Variants in MMD2 observed in about 807,000 individuals in gnomAD.
The protein encoded by MMD2 is monocyte to macrophage differentiation factor 2.
MMD2 carries 30 observed loss-of-function variants against 33.5 expected under a neutral mutation model. The observed-to-expected ratio is 0.90, with a 90% CI of 0.67 to 1.22. The LOEUF (loss-of-function observed/expected upper bound fraction) is 1.22, where lower values mean the gene tolerates loss of function less well. MMD2 is among the 50% of genes most tolerant of loss of function. MMD2 has a pLI of 0.00. For synonymous variants in MMD2, 129 were observed against 123.0 expected, an observed-to-expected ratio of 1.05 and a Z score of -0.32; for missense variants, 364 against 325.4, an observed-to-expected ratio of 1.12 and a Z score of -0.91.
intron 4 of MMD2, among the ~76,000 whole-genome samples, chr7:4,913,719 G>A (rs1370653453): frequency 1.2e-5 from 1 of 83,910 alleles, no homozygotes; most frequent in Non-Finnish European, 2.1e-5. Flanking sequence ...ACTCTATCTC[G>A]GCAAAAAAAA....
At chr7:4,949,711 C>T (rs1344850464) in intron 1 of MMD2, among the ~76,000 whole-genome samples, 8 of 151,970 alleles carry the variant, frequency 5.3e-5, no homozygotes, top group Non-Finnish European at 1.0e-4. Flanking sequence ...GGGGTTTCAC[C>T]ATATTGGCCA....
chr7:4,910,694 T>G (rs1445600994), intron 5 of MMD2, among the ~76,000 whole-genome samples: 1 of 152,052 alleles, frequency 6.6e-6, no homozygotes, highest in Non-Finnish European at 1.5e-5. Context: ...AGTGGCACGC[T>G]CTCAGCTTGC....
At position 4,906,435 on chromosome 7, in the gene MMD2, AATGTTGGC is replaced by A. The variant is rs1198774901; in HGVS notation, c.*953_*960del. On this transcript the variant is annotated 3_prime_UTR_variant, in exon 7 of 7. Transcript: ENST00000401401. ...CTGATTGGCACCAAGAGAGAATCCA[AATGTTGGC>A]ATCACAAACCTTAAGTATGGAGCAG... 1 of 398,500 alleles carries A rather than the reference AATGTTGGC, an allele frequency of 2.5e-6. No individual in the cohort carries two copies. Among genetic ancestry groups the A allele is most frequent in the Admixed American group, 4.4e-5 (1 of 22,710 alleles). The allele number at this position is 398,500 out of a possible 1,614,324, so 24.7% of individuals were successfully genotyped here.
At position 4,906,448 on chromosome 7, in the gene MMD2, C is replaced by A. The variant is rs182497986; in HGVS notation, c.*948G>T. The A allele has an allele frequency of 1.3e-5, 5 of 398,652 alleles. No homozygotes were observed. The highest frequency in any genetic ancestry group is 2.1e-5 in the African/African-American group (1 of 48,762). 24.7% of individuals were successfully genotyped at this position (398,652 alleles called of 1,614,324 possible). On this transcript the variant is annotated 3_prime_UTR_variant, in exon 7 of 7. Coordinates refer to ENST00000401401, the MANE Select transcript of MMD2 (RefSeq NM_198403.4). ...AGAGAGAATCCAAATGTTGGCATCA[C>A]AAACCTTAAGTATGGAGCAGGGAGC...
At chr7:4,903,086 A>G (rs1033623455), downstream of MMD2, among the ~76,000 whole-genome samples, 1 of 152,142 alleles carries the variant, frequency 6.6e-6, no homozygotes, top group African/African-American at 2.4e-5. Context: ...AAAAATACAC[A>G]AATTAGCTGG....
intron 1 of MMD2, among the ~76,000 whole-genome samples, chr7:4,939,608 T>C (rs1785845485): frequency 6.6e-6 from 1 of 152,084 alleles, no homozygotes; most frequent in Non-Finnish European, 1.5e-5. Context: ...ATAGAAATAT[T>C]CACACAATGG....
intron 1 of MMD2, among the ~76,000 whole-genome samples, chr7:4,936,144 C>T (rs1216619969): frequency 1.4e-5 from 2 of 147,332 alleles, no homozygotes; most frequent in African/African-American, 5.0e-5. Flanking sequence ...GAGATCGTGC[C>T]ACTGCACTCC....
chr7:4,956,249 C>T (rs1408819924), intron 1 of MMD2, among the ~76,000 whole-genome samples: 1 of 151,576 alleles, frequency 6.6e-6, no homozygotes, highest in African/African-American at 2.4e-5. Flanking sequence ...ATAGTGAGAC[C>T]CCATCTTTAC....
Position 4,907,454 on chromosome 7 carries a change from T to C in MMD2, c.683A>G (p.Tyr228Cys), listed in dbSNP as rs139010213. ...FVAFGAGTHY[Y>C]AIWRYLYLPS... The stretch of plus-strand genomic sequence containing the variant: ...CAGATAGAGGTACCTCCAGATGGCA[T>C]AGTAGTGGGTACCAGCACCAAATGC... Residue 228 changes from tyrosine to cysteine, a missense_variant, in exon 7 of 7, where the codon TAT (tyrosine) becomes TGT (cysteine). By Grantham distance (194) the Tyr-to-Cys change is radical. Transcript: ENST00000401401. The C allele has an allele frequency of 2.7e-5, 43 of 1,613,876 alleles. No individual in the cohort carries two copies. Among genetic ancestry groups the C allele is most frequent in the Non-Finnish European group, 3.3e-5 (39 of 1,179,920 alleles).
At chr7:4,898,814 G>C in the MMD2 span, among the ~76,000 whole-genome samples, 6 of 152,258 alleles carry the variant, frequency 3.9e-5, no homozygotes, top group African/African-American at 1.4e-4. Flanking sequence ...CAGGATAATT[G>C]CTTGAACCTA....
intron 1 of MMD2, among the ~76,000 whole-genome samples, chr7:4,949,723 G>C (rs978480819): frequency 2.6e-5 from 4 of 151,980 alleles, no homozygotes; most frequent in South Asian, 2.1e-4. Context: ...TATTGGCCAG[G>C]ATGGTCTCGA....
chr7:4,945,244 C>CTTCTTCT (rs1446491060), intron 1 of MMD2, among the ~76,000 whole-genome samples: 4 of 15,882 alleles, frequency 2.5e-4, no homozygotes, highest in African/African-American at 3.9e-4. Flanking sequence ...TTCTTCCTCT[C>CTTCTTCT]TCTCTTTCTT....
At chr7:4,929,633 T>A (rs2115119452) in intron 1 of MMD2, among the ~76,000 whole-genome samples, 1 of 152,134 alleles carries the variant, frequency 6.6e-6, no homozygotes, top group East Asian at 1.9e-4. Flanking sequence ...CAAGTGATTA[T>A]CCTGCCTCAG....
chr7:4,928,729 T>C (rs1230865805), intron 1 of MMD2, among the ~76,000 whole-genome samples: 2 of 150,532 alleles, frequency 1.3e-5, no homozygotes, highest in African/African-American at 4.9e-5. Context: ...GCACCCTCTG[T>C]GTGCTGGCTC....
chr7:4,909,817 G>A, intron 6 of MMD2, 64 bp downstream of exon 6: 2 of 1,556,296 alleles, frequency 1.3e-6, no homozygotes, highest in Non-Finnish European at 8.7e-7. Flanking sequence ...TCAACAGCCA[G>A]GTCCAGCTCG....
chr7:4,898,753 G>A, the MMD2 span, among the ~76,000 whole-genome samples: 1 of 152,128 alleles, frequency 6.6e-6, no homozygotes, highest in African/African-American at 2.4e-5. Flanking sequence ...ACAAAAATTA[G>A]CTGGGCTCCA....
intron 1 of MMD2, among the ~76,000 whole-genome samples, chr7:4,935,796 T>G (rs887083821): frequency 6.6e-6 from 1 of 152,056 alleles, no homozygotes; most frequent in African/African-American, 2.4e-5. Flanking sequence ...GTACTTGAAT[T>G]ATGTAAGATG....
At chr7:4,936,042 A>G (rs1471610736) in intron 1 of MMD2, among the ~76,000 whole-genome samples, 1 of 151,874 alleles carries the variant, frequency 6.6e-6, no homozygotes. Flanking sequence ...AAAACTAGGC[A>G]GGCGTGGTGG....
chr7:4,923,173 G>C (rs994800966), intron 2 of MMD2, among the ~76,000 whole-genome samples: 1 of 150,334 alleles, frequency 6.7e-6, no homozygotes, highest in Non-Finnish European at 1.5e-5. Flanking sequence ...GCACAATCTT[G>C]GCTCACTGCA....
Sources: gnomAD v4.1 joint callset for allele counts (sites outside exome capture counted in the v4.1 genomes callset) on GRCh38, gnomAD v4.1.1 for gene constraint, MANE v1.5 for transcripts, NCBI Gene and HGNC (gene_info 2026-07-23, HGNC 2026-07-21) for gene names.